MED27: variants seen among roughly 807,000 people sequenced by gnomAD.
MED27 encodes mediator of RNA polymerase II transcription subunit 27.
Under a neutral mutation model 38.2 loss-of-function variants are expected in MED27, and 30 were observed. The observed-to-expected ratio is 0.79, with a 90% CI of 0.59 to 1.07. The LOEUF is 1.07. MED27 is among the 50% of genes least tolerant of loss of function. MED27 has a pLI of 0.00. For missense variants in MED27, 289 were observed against 397.5 expected, an observed-to-expected ratio of 0.73 and a Z score of 2.32; for synonymous variants, 122 against 153.5, an observed-to-expected ratio of 0.79 and a Z score of 1.52.
At chr9:131,929,620 C>T (rs1830544115) in intron 4 of MED27, among the ~76,000 whole-genome samples, 1 of 152,178 alleles carries the variant, frequency 6.6e-6, no homozygotes, top group African/African-American at 2.4e-5. Flanking sequence ...TTGGCAGTGG[C>T]CTGGCAGAAC....
intron 3 of MED27, among the ~76,000 whole-genome samples, chr9:131,969,973 G>A (rs562828558): frequency 6.6e-6 from 1 of 152,182 alleles, no homozygotes; most frequent in Non-Finnish European, 1.5e-5. Context: ...GGCTGGGGGG[G>A]GGTGGGGGCA....
At chr9:131,954,997 C>G (rs1233726134) in intron 3 of MED27, among the ~76,000 whole-genome samples, 1 of 151,904 alleles carries the variant, frequency 6.6e-6, no homozygotes, top group African/African-American at 2.4e-5. Context: ...TTCTATATCC[C>G]AAAACAGTAG....
chr9:131,996,372 C>A (rs1832090807), intron 3 of MED27, among the ~76,000 whole-genome samples: 1 of 152,146 alleles, frequency 6.6e-6, no homozygotes, highest in Admixed American at 6.5e-5. Context: ...ACTATGGGAG[C>A]CACTGGAGCC....
chr9:131,879,967 G>A (rs939417032), intron 6 of MED27, among the ~76,000 whole-genome samples: 1 of 152,210 alleles, frequency 6.6e-6, no homozygotes, highest in Non-Finnish European at 1.5e-5. Flanking sequence ...AATACTTAAC[G>A]TCACCCCATA....
At chr9:132,057,510 A>C (rs935539153) in intron 2 of MED27, among the ~76,000 whole-genome samples, 1 of 152,372 alleles carries the variant, frequency 6.6e-6, no homozygotes, top group Non-Finnish European at 1.5e-5. Context: ...GGTCACATGC[A>C]TATGGTGTTT....
intron 2 of MED27, among the ~76,000 whole-genome samples, chr9:132,075,822 G>A (rs1268666485): frequency 6.7e-6 from 1 of 149,408 alleles, no homozygotes; most frequent in African/African-American, 2.5e-5. Flanking sequence ...AGCTGGAACA[G>A]TCCCACGTCT....
chr9:131,903,370 C>G (rs558672838), intron 4 of MED27, among the ~76,000 whole-genome samples: 42 of 152,298 alleles, frequency 2.8e-4, no homozygotes, highest in Non-Finnish European at 5.9e-4. Flanking sequence ...CATCTTCCAC[C>G]AGGTCCCTCC....
intron 3 of MED27, among the ~76,000 whole-genome samples, chr9:131,963,178 AC>A (rs2131000941): frequency 6.6e-6 from 1 of 152,292 alleles, no homozygotes; most frequent in South Asian, 2.1e-4. Flanking sequence ...GTTCATTTTT[AC>A]AGTGTTCAGG....
chr9:131,934,551 G>T, intron 4 of MED27, among the ~76,000 whole-genome samples: 1 of 152,066 alleles, frequency 6.6e-6, no homozygotes, highest in East Asian at 1.9e-4. Context: ...ATCCAAAGAC[G>T]GGCAATAACA....
At chr9:132,012,429 G>C (rs1355560611) in intron 3 of MED27, among the ~76,000 whole-genome samples, 1 of 152,162 alleles carries the variant, frequency 6.6e-6, no homozygotes, top group Non-Finnish European at 1.5e-5. Context: ...GCAAGCAACA[G>C]ACACAAGCTA....
intron 3 of MED27, among the ~76,000 whole-genome samples, chr9:131,983,224 A>T (rs1589249063): frequency 1.3e-5 from 2 of 152,212 alleles, no homozygotes; most frequent in East Asian, 3.8e-4. Context: ...CCTGGGCCAG[A>T]TCTTTTCATG....
At chr9:131,949,858 C>T (rs1018774680) in intron 3 of MED27, among the ~76,000 whole-genome samples, 2 of 152,160 alleles carry the variant, frequency 1.3e-5, no homozygotes, top group Non-Finnish European at 2.9e-5. Context: ...AGTTCTCCTG[C>T]TGGGTTTTTG....
chr9:131,952,219 A>C (rs1831012171), intron 3 of MED27, among the ~76,000 whole-genome samples: 1 of 152,210 alleles, frequency 6.6e-6, no homozygotes, highest in Non-Finnish European at 1.5e-5. Flanking sequence ...CACGAGGCCA[A>C]GGGTCCTTGT....
intron 4 of MED27, among the ~76,000 whole-genome samples, chr9:131,910,689 G>A (rs948118940): frequency 5.3e-5 from 8 of 152,092 alleles, no homozygotes; most frequent in Admixed American, 2.0e-4. Context: ...AAACAACACC[G>A]GCTAAGGTCA....
intron 2 of MED27, among the ~76,000 whole-genome samples, chr9:132,015,787 T>C (rs556690120): frequency 2.0e-4 from 30 of 152,224 alleles, no homozygotes; most frequent in Non-Finnish European, 4.1e-4. Flanking sequence ...AGAGTTGTCA[T>C]CAATATCGCT....
chr9:132,004,928 C>T (rs910816932), intron 3 of MED27, among the ~76,000 whole-genome samples: 3 of 152,186 alleles, frequency 2.0e-5, no homozygotes, highest in Non-Finnish European at 2.9e-5. Flanking sequence ...AGCGCCAGTC[C>T]TCAAGGAGTT....
chr9:131,930,385 CAT>C (rs1830562741), intron 4 of MED27, among the ~76,000 whole-genome samples: 1 of 152,130 alleles, frequency 6.6e-6, no homozygotes, highest in Admixed American at 6.5e-5. Flanking sequence ...AAACAAATAA[CAT>C]AGAGTGGAGC....
At chr9:131,871,879 C>T (rs1838842096) in intron 6 of MED27, among the ~76,000 whole-genome samples, 1 of 152,140 alleles carries the variant, frequency 6.6e-6, no homozygotes, top group African/African-American at 2.4e-5. Flanking sequence ...ATACTTTCAA[C>T]TTGGGGTATT....
chr9:131,974,720 G>C (rs552655303), intron 3 of MED27, among the ~76,000 whole-genome samples: 1 of 152,310 alleles, frequency 6.6e-6, no homozygotes, highest in Non-Finnish European at 1.5e-5. Flanking sequence ...GAAGAATGTG[G>C]TGGAGGGTTA....
Sources: gnomAD v4.1 joint callset for allele counts (sites outside exome capture counted in the v4.1 genomes callset) on GRCh38, gnomAD v4.1.1 for gene constraint, MANE v1.5 for transcripts, NCBI Gene and HGNC (gene_info 2026-07-23, HGNC 2026-07-21) for gene names.